The following LDLRAD3 variants were observed in gnomAD, a reference collection of about 807,000 sequenced individuals.
LDLRAD3 encodes the protein low density lipoprotein receptor class A domain containing 3, also known as low-density lipoprotein receptor class A domain-containing protein 3.
LDLRAD3 carries 20 observed loss-of-function variants against 29.4 expected under a neutral mutation model. That is an observed-to-expected ratio of 0.68 (90% CI 0.48 to 0.99). The LOEUF (loss-of-function observed/expected upper bound fraction) is 0.99. Ranked by LOEUF, LDLRAD3 falls within the 50% of genes least tolerant of loss-of-function variation. The probability of loss-of-function intolerance (pLI) is 0.00; values close to 1 mark genes in which losing one functional copy is unlikely to be tolerated. For synonymous variants in LDLRAD3, 157 were observed against 192.7 expected (o/e 0.81, Z 1.53); for missense variants, 420 against 454.3 (o/e 0.92, Z 0.69).
At chr11:36,123,693 T>C (rs989193441) in intron 4 of LDLRAD3, among the ~76,000 whole-genome samples, 1 of 152,250 alleles carries the variant, frequency 6.6e-6, no homozygotes. Flanking sequence ...GAGTAGGCCC[T>C]AGCCACAAAT....
chr11:36,174,905 C>G (rs1202189393), intron 4 of LDLRAD3, among the ~76,000 whole-genome samples: 2 of 152,122 alleles, frequency 1.3e-5, no homozygotes, highest in African/African-American at 4.8e-5. Context: ...TGGCATGAAC[C>G]CAGGAGGCAG....
At chr11:36,173,541 AT>A (rs1181948580) in intron 4 of LDLRAD3, among the ~76,000 whole-genome samples, 2 of 151,984 alleles carry the variant, frequency 1.3e-5, no homozygotes, top group Non-Finnish European at 2.9e-5. Flanking sequence ...GCTGCATAGT[AT>A]TCCATGGTGT....
chr11:36,108,733 C>T (rs1433217706), intron 4 of LDLRAD3, among the ~76,000 whole-genome samples: 2 of 152,240 alleles, frequency 1.3e-5, no homozygotes, highest in African/African-American at 2.4e-5. Flanking sequence ...GAGGAACTGG[C>T]AGATCCACGT....
intron 4 of LDLRAD3, among the ~76,000 whole-genome samples, chr11:36,202,427 AGCCATTCCTACAG>A (rs1489952149): frequency 1.3e-5 from 2 of 152,280 alleles, no homozygotes; most frequent in East Asian, 3.9e-4. Flanking sequence ...CTCACGGTTG[AGCCATTCCTACAG>A]GCCAGAGATG....
chr11:36,143,148 C>T (rs148176998), intron 4 of LDLRAD3, among the ~76,000 whole-genome samples: 172 of 152,328 alleles, frequency 1.1e-3, no homozygotes, highest in African/African-American at 3.8e-3. Flanking sequence ...TCTGGGAAAG[C>T]ATTTTGCCTG....
chr11:35,953,486 C>T (rs996949429), intron 1 of LDLRAD3, among the ~76,000 whole-genome samples: 3 of 152,038 alleles, frequency 2.0e-5, no homozygotes, highest in South Asian at 2.1e-4. Context: ...ATTATAAGAC[C>T]GAGTGAGTTT....
intron 4 of LDLRAD3, among the ~76,000 whole-genome samples, chr11:36,219,313 T>A (rs537277943): frequency 3.2e-4 from 48 of 152,324 alleles, no homozygotes; most frequent in South Asian, 1.4e-3. Flanking sequence ...TATTTTTTTT[T>A]AAATAATGAA....
intron 4 of LDLRAD3, among the ~76,000 whole-genome samples, chr11:36,226,194 A>G (rs909741809): frequency 6.6e-5 from 10 of 152,214 alleles, no homozygotes; most frequent in African/African-American, 1.9e-4. Context: ...TTTCAGGCTC[A>G]CAGAAGCCCC....
chr11:36,193,426 C>A (rs1393109141), intron 4 of LDLRAD3, among the ~76,000 whole-genome samples: 1 of 152,154 alleles, frequency 6.6e-6, no homozygotes, highest in African/African-American at 2.4e-5. Context: ...AATTTTACAT[C>A]AACACGGCTT....
intron 1 of LDLRAD3, among the ~76,000 whole-genome samples, chr11:35,999,776 C>T (rs1851800321): frequency 6.6e-6 from 1 of 152,338 alleles, no homozygotes; most frequent in Admixed American, 6.5e-5. Flanking sequence ...GTGGTGCTGT[C>T]AGCCATGGCA....
intron 4 of LDLRAD3, among the ~76,000 whole-genome samples, chr11:36,099,537 G>A (rs1319325674): frequency 6.6e-6 from 1 of 152,128 alleles, no homozygotes; most frequent in East Asian, 1.9e-4. Context: ...TTGTACCATA[G>A]TTTATAGATC....
chr11:36,047,597 A>G (rs1852468432), intron 2 of LDLRAD3, among the ~76,000 whole-genome samples: 1 of 152,190 alleles, frequency 6.6e-6, no homozygotes, highest in Admixed American at 6.5e-5. Context: ...AAACAGATAA[A>G]TGCACCATGT....
At chr11:36,183,963 CTT>C (rs547281058) in intron 4 of LDLRAD3, 3,452 of 218,532 alleles carry the variant, frequency 0.016, 3 homozygotes, top group South Asian at 0.028. Flanking sequence ...TATATTTCAT[CTT>C]TTTTTTTTTT....
chr11:36,059,521 CT>C (rs146704522), intron 2 of LDLRAD3, among the ~76,000 whole-genome samples: 3,294 of 152,178 alleles, frequency 0.022, 94 homozygotes, highest in East Asian at 0.12. Context: ...CCTGGGCACT[CT>C]GCTTCAGCCC....
At chr11:35,949,492 C>T (rs1851103827) in intron 1 of LDLRAD3, among the ~76,000 whole-genome samples, 1 of 152,190 alleles carries the variant, frequency 6.6e-6, no homozygotes, top group African/African-American at 2.4e-5. Flanking sequence ...CTTTCCCTCC[C>T]CATAATTCCT....
At chr11:36,146,565 A>C (rs989611835) in intron 4 of LDLRAD3, among the ~76,000 whole-genome samples, 9 of 152,206 alleles carry the variant, frequency 5.9e-5, no homozygotes, top group African/African-American at 2.2e-4. Context: ...AGAGAAGTCC[A>C]AATCAAGGCA....
chr11:36,205,479 C>G (rs1855194042), intron 4 of LDLRAD3, among the ~76,000 whole-genome samples: 2 of 152,054 alleles, frequency 1.3e-5, no homozygotes, highest in South Asian at 4.2e-4. Flanking sequence ...GTGGAGATGC[C>G]ACAGATGACA....
intron 1 of LDLRAD3, among the ~76,000 whole-genome samples, chr11:36,035,465 G>A (rs755438823): frequency 3.5e-4 from 53 of 152,130 alleles, no homozygotes; most frequent in Non-Finnish European, 7.1e-4. Flanking sequence ...CTTGCAGCTT[G>A]GTTCTCAGCT....
intron 3 of LDLRAD3, among the ~76,000 whole-genome samples, chr11:36,083,780 A>ACCCC (rs71044547): frequency 2.1e-4 from 16 of 74,856 alleles, no homozygotes; most frequent in South Asian, 2.1e-3. Context: ...ACACACACAC[A>ACCCC]CCCCAGAATA....
Sources: allele counts gnomAD v4.1 joint callset (sites outside exome capture counted in the v4.1 genomes callset), GRCh38; gene constraint gnomAD v4.1.1; transcripts MANE v1.5; gene names NCBI Gene and HGNC (gene_info 2026-07-23, HGNC 2026-07-21).